Variants in LRRC1 observed in about 807,000 individuals in gnomAD.
LRRC1 encodes the protein leucine rich repeat containing 1, also known as leucine-rich repeat-containing protein 1.
A neutral mutation model predicts 69.9 loss-of-function variants in LRRC1; 28 were observed. The ratio of observed to expected loss-of-function variants is 0.40; its 90% CI spans 0.30 to 0.55. The LOEUF (loss-of-function observed/expected upper bound fraction) is 0.55. Among genes scored for constraint, LRRC1 ranks in the 20% least tolerant of loss-of-function variants. LRRC1 has a pLI of 0.47. For synonymous variants in LRRC1, 236 were observed against 240.2 expected (o/e 0.98, Z 0.16); for missense variants, 498 against 609.0 (o/e 0.82, Z 1.92).
At chr6:53,865,375 G>A (rs1190476341) in intron 2 of LRRC1, among the ~76,000 whole-genome samples, 3 of 152,038 alleles carry the variant, frequency 2.0e-5, no homozygotes, top group South Asian at 2.1e-4. Flanking sequence ...AAACACAAAC[G>A]TAATTAGACT....
intron 2 of LRRC1, among the ~76,000 whole-genome samples, chr6:53,869,041 AG>A (rs1443271340): frequency 6.6e-6 from 1 of 152,214 alleles, no homozygotes. Flanking sequence ...ATTGAGGCAC[AG>A]ATAAGTAGTT....
chr6:53,917,524 T>A (rs1388379749), intron 11 of LRRC1, among the ~76,000 whole-genome samples: 3 of 152,244 alleles, frequency 2.0e-5, no homozygotes, highest in African/African-American at 7.2e-5. Context: ...TTAATATTAT[T>A]GATGCTCTTT....
rs539919111 is a variant in LRRC1 at position 53,852,093 on chromosome 6, ATC to A, written c.277+9874_277+9875del. On this transcript the variant is annotated intron_variant, in intron 2 of 13. Coordinates refer to ENST00000370888, the MANE Select transcript of LRRC1 (RefSeq NM_018214.5). ...ATCACTACCTTGGACAAATTGCTTA[ATC>A]TCTCTCTGCCTCAGTTTATTCATCT... Among the ~76,000 whole-genome samples the A allele has an allele frequency of 5.9e-4, 90 of 152,290 alleles. 1 individual carries two copies. In the East Asian group the frequency reaches 0.017, roughly 28 times the overall value.
intron 2 of LRRC1, among the ~76,000 whole-genome samples, chr6:53,870,319 C>T (rs1766840855): frequency 6.6e-6 from 1 of 152,192 alleles, no homozygotes; most frequent in Non-Finnish European, 1.5e-5. Context: ...TTCTACCTAA[C>T]AGACATACCT....
At chr6:53,823,237 T>C (rs1765164730) in intron 1 of LRRC1, among the ~76,000 whole-genome samples, 1 of 152,208 alleles carries the variant, frequency 6.6e-6, no homozygotes, top group South Asian at 2.1e-4. Context: ...ACCATATTGA[T>C]AGGAATCAAA....
chr6:53,909,627 C>T (rs1473661423), intron 10 of LRRC1, among the ~76,000 whole-genome samples: 1 of 150,924 alleles, frequency 6.6e-6, no homozygotes, highest in Non-Finnish European at 1.5e-5. Flanking sequence ...AAAAAGAATT[C>T]CGTAGCTATT....
At chr6:53,825,564 G>A (rs1485004767) in intron 1 of LRRC1, among the ~76,000 whole-genome samples, 1 of 152,190 alleles carries the variant, frequency 6.6e-6, no homozygotes, top group African/African-American at 2.4e-5. Flanking sequence ...TGTAGAATCA[G>A]GGAAGGGGGC....
chr6:53,897,303 C>T lies in LRRC1; in HGVS notation c.586C>T (p.Leu196Phe). ...GTTTTAGCCAGAATCAATTGGAGCC[C>T]TCTTACATCTAAAAGATCTCTGGTT... ...IYNLPESIGA[L>F]LHLKDLWLDG... The change falls in exon 7 of 14, where the codon CTC becomes TTC. Residue 196 changes from leucine to phenylalanine, a missense_variant. Physicochemically the swap from Leu to Phe is conservative, Grantham distance 22. Coordinates refer to ENST00000370888, the MANE Select transcript of LRRC1 (RefSeq NM_018214.5). 6.2e-7 allele frequency: 1 copy of T among 1,611,886 alleles called. No individual in the cohort carries two copies. Among genetic ancestry groups the T allele is most frequent in the Non-Finnish European group, 8.5e-7 (1 of 1,178,624 alleles).
At chr6:53,816,228 G>A (rs1347739082) in intron 1 of LRRC1, among the ~76,000 whole-genome samples, 1 of 152,134 alleles carries the variant, frequency 6.6e-6, no homozygotes, top group African/African-American at 2.4e-5. Context: ...ATTATAGTGA[G>A]CATGGTACCA....
intron 10 of LRRC1, among the ~76,000 whole-genome samples, chr6:53,911,788 A>G (rs1323728646): frequency 6.6e-6 from 1 of 152,184 alleles, no homozygotes; most frequent in Non-Finnish European, 1.5e-5. Context: ...GTCTAAATTT[A>G]TCAGAGACTC....
chr6:53,853,612 G>A (rs6913431), intron 2 of LRRC1, among the ~76,000 whole-genome samples: 56,477 of 151,964 alleles, frequency 0.37, 10,965 homozygotes, highest in East Asian at 0.64. Flanking sequence ...TAGAAATGGG[G>A]TATCATCCCA....
chr6:53,904,564 G>GT, intron 10 of LRRC1, 102 bp downstream of exon 10: 2 of 743,712 alleles, frequency 2.7e-6, no homozygotes, highest in East Asian at 5.9e-5. Flanking sequence ...CGCATGTGTT[G>GT]TTTTTTAAAG....
chr6:53,902,265 TTTTG>T (rs1234995977), intron 8 of LRRC1, among the ~76,000 whole-genome samples: 1 of 152,218 alleles, frequency 6.6e-6, no homozygotes, highest in African/African-American at 2.4e-5. Context: ...ACTATTTTTT[TTTTG>T]TTTATTATAA....
In LRRC1 at chr6:53,886,282, C is replaced by G. The variant is rs538977885; in HGVS notation, c.446+3306C>G. On this transcript the variant is annotated intron_variant, in intron 4 of 13. Coordinates refer to ENST00000370888, the MANE Select transcript of LRRC1 (RefSeq NM_018214.5). ...TAAGTTACTGTGGCATATTTCTGATCAGAAAAACATCAAACTTCCAAGCAA... is the reference window on the plus strand; with the variant it reads ...TAAGTTACTGTGGCATATTTCTGATGAGAAAAACATCAAACTTCCAAGCAA... Among the ~76,000 whole-genome samples the G allele has an allele frequency of 3.9e-5, 6 of 152,186 alleles. No homozygotes were observed. The South Asian group carries it at 6.2e-4, about 16-fold the overall frequency.
intron 1 of LRRC1, among the ~76,000 whole-genome samples, chr6:53,814,149 A>G (rs1467039008): frequency 6.6e-6 from 1 of 152,178 alleles, no homozygotes; most frequent in African/African-American, 2.4e-5. Flanking sequence ...ATTCAGCTCA[A>G]TTTACTTGGC....
chr6:53,897,953 T>C (rs532232678), intron 7 of LRRC1, among the ~76,000 whole-genome samples: 164 of 152,306 alleles, frequency 1.1e-3, no homozygotes, highest in Non-Finnish European at 2.0e-3. Flanking sequence ...CAGGCCTACA[T>C]TCTAAGACAG....
chr6:53,800,247 C>CTTTTTT (rs55960000), intron 1 of LRRC1, among the ~76,000 whole-genome samples: 622 of 89,544 alleles, frequency 6.9e-3, no homozygotes, highest in Non-Finnish European at 7.7e-3. Flanking sequence ...GTTTCTTTTT[C>CTTTTTT]TTTTTTTTTT....
At position 53,795,119 on chromosome 6, in the gene LRRC1, G is replaced by A; in HGVS notation, c.-138G>A. On this transcript the variant is annotated 5_prime_UTR_variant, in exon 1 of 14. Coordinates refer to ENST00000370888, the MANE Select transcript of LRRC1 (RefSeq NM_018214.5). ...GAAGCACTTCCGACCGCGAAGCCCGGCGCGAGAAGCGAGCTAACCCAAGAG... is the reference window on the plus strand; with the variant it reads ...GAAGCACTTCCGACCGCGAAGCCCGACGCGAGAAGCGAGCTAACCCAAGAG... 1 of 745,808 alleles carries A rather than the reference G, an allele frequency of 1.3e-6. No homozygotes were observed. The highest frequency in any genetic ancestry group is 3.0e-5 in the East Asian group (1 of 33,080). The allele number at this position is 745,808 out of a possible 1,614,324, so 46.2% of individuals were successfully genotyped here.
intron 3 of LRRC1, among the ~76,000 whole-genome samples, chr6:53,879,997 G>C (rs1262589545): frequency 6.6e-6 from 1 of 152,166 alleles, no homozygotes; most frequent in Non-Finnish European, 1.5e-5. Flanking sequence ...AAGAATCTGA[G>C]AGGAACCTCA....
Sources: allele counts gnomAD v4.1 joint callset (sites outside exome capture counted in the v4.1 genomes callset), GRCh38; gene constraint gnomAD v4.1.1; transcripts MANE v1.5; gene names NCBI Gene and HGNC (gene_info 2026-07-23, HGNC 2026-07-21).